CDH13: variants seen among roughly 807,000 people sequenced by gnomAD.
CDH13 encodes the protein cadherin-13.
In CDH13, 24 loss-of-function variants were observed where a neutral mutation model predicts 63.8. The observed-to-expected ratio is 0.38, with a 90% CI of 0.27 to 0.53. The LOEUF (loss-of-function observed/expected upper bound fraction) is 0.53. CDH13 is among the 20% of genes least tolerant of loss of function. The pLI, the probability that CDH13 is intolerant of heterozygous loss-of-function variation, is 0.85. For missense variants in CDH13, 1,049 were observed against 903.1 expected (o/e 1.16, Z -2.07); for synonymous variants, 503 against 355.3 (o/e 1.42, Z -4.67).
At chr16:82,744,070 A>C (rs578181874) in intron 1 of CDH13, among the ~76,000 whole-genome samples, 4 of 152,200 alleles carry the variant, frequency 2.6e-5, no homozygotes, top group Non-Finnish European at 5.9e-5. Context: ...GGAGAGATTA[A>C]AGAAATCTTC....
chr16:83,200,614 A>G (rs2151765209), intron 4 of CDH13, among the ~76,000 whole-genome samples: 1 of 152,266 alleles, frequency 6.6e-6, no homozygotes, highest in East Asian at 1.9e-4. Flanking sequence ...GGTATTGGGC[A>G]ATTGTGTTTA....
At chr16:82,966,382 C>T (rs771695444) in intron 2 of CDH13, among the ~76,000 whole-genome samples, 36 of 152,118 alleles carry the variant, frequency 2.4e-4, no homozygotes, top group Admixed American at 9.2e-4. Flanking sequence ...TTCCTGACCT[C>T]GTGATCCGCC....
chr16:82,951,006 T>C (rs770905886), intron 2 of CDH13, among the ~76,000 whole-genome samples: 15 of 152,196 alleles, frequency 9.9e-5, no homozygotes, highest in Non-Finnish European at 1.6e-4. Context: ...ACCATATTTC[T>C]GTGTCCTGAA....
At chr16:83,630,792 T>A (rs946958741) in intron 8 of CDH13, among the ~76,000 whole-genome samples, 4 of 152,202 alleles carry the variant, frequency 2.6e-5, no homozygotes, top group African/African-American at 9.7e-5. Flanking sequence ...CCACAAGGAA[T>A]TTCCTTGCAG....
chr16:83,750,126 T>A (rs1020682751), intron 11 of CDH13, among the ~76,000 whole-genome samples: 5 of 151,950 alleles, frequency 3.3e-5, no homozygotes, highest in Non-Finnish European at 7.4e-5. Context: ...TGAAACCCCA[T>A]CTCTACTAAA....
chr16:83,248,345 A>G (rs1425808886), intron 5 of CDH13, among the ~76,000 whole-genome samples: 5 of 152,174 alleles, frequency 3.3e-5, no homozygotes, highest in Non-Finnish European at 7.3e-5. Flanking sequence ...GAGCGGGTCT[A>G]TCTGTTGTTG....
chr16:82,667,493 G>A (rs536676480), intron 1 of CDH13, among the ~76,000 whole-genome samples: 5 of 152,270 alleles, frequency 3.3e-5, no homozygotes, highest in East Asian at 3.9e-4. Flanking sequence ...CTCAAGGGGC[G>A]TTCCTTTCCT....
At chr16:82,920,529 C>T (rs528090232) in intron 2 of CDH13, among the ~76,000 whole-genome samples, 2 of 152,276 alleles carry the variant, frequency 1.3e-5, no homozygotes, top group Admixed American at 6.5e-5. Flanking sequence ...ATGGAGTCAC[C>T]CCATCTGTAA....
At chr16:83,505,482 T>G (rs2074374603) in intron 7 of CDH13, among the ~76,000 whole-genome samples, 2 of 150,592 alleles carry the variant, frequency 1.3e-5, no homozygotes, top group Non-Finnish European at 3.0e-5. Flanking sequence ...TAGTAAACTC[T>G]GCCAAAGGAG....
intron 2 of CDH13, among the ~76,000 whole-genome samples, chr16:82,881,212 G>T (rs533808281): frequency 4.3e-4 from 66 of 152,228 alleles, no homozygotes; most frequent in African/African-American, 1.4e-3. Flanking sequence ...GCTTCCGTTC[G>T]TGTCTCTGGG....
intron 1 of CDH13, among the ~76,000 whole-genome samples, chr16:82,767,413 T>A (rs1299333112): frequency 6.6e-6 from 1 of 152,260 alleles, no homozygotes; most frequent in Admixed American, 6.5e-5. Flanking sequence ...CTCTTTTATG[T>A]AAGGCTTCCT....
intron 2 of CDH13, among the ~76,000 whole-genome samples, chr16:82,867,569 G>A (rs1009446446): frequency 1.3e-5 from 2 of 152,142 alleles, no homozygotes; most frequent in South Asian, 2.1e-4. Flanking sequence ...ACCTTGGTTA[G>A]CAGCCAGGTC....
chr16:82,771,754 G>A (rs2035275874), intron 1 of CDH13, among the ~76,000 whole-genome samples: 1 of 152,230 alleles, frequency 6.6e-6, no homozygotes, highest in Admixed American at 6.5e-5. Context: ...AGGTTGCTAG[G>A]AAAAACGTAT....
At chr16:82,634,066 G>C (rs8047711) in intron 1 of CDH13, among the ~76,000 whole-genome samples, 1 of 152,208 alleles carries the variant, frequency 6.6e-6, no homozygotes. Context: ...AGCATCACCC[G>C]ATCTGCTGCA....
At chr16:82,759,297 T>C (rs1405772054) in intron 1 of CDH13, among the ~76,000 whole-genome samples, 5 of 152,294 alleles carry the variant, frequency 3.3e-5, no homozygotes, top group South Asian at 2.1e-4. Context: ...TTCCCAAATA[T>C]ATTCTCTGCT....
At chr16:82,814,014 T>C (rs1305880072) in intron 1 of CDH13, among the ~76,000 whole-genome samples, 3 of 152,144 alleles carry the variant, frequency 2.0e-5, no homozygotes, top group Admixed American at 1.3e-4. Context: ...CCGGCTGCTG[T>C]GCTTGGCTGT....
At chr16:83,429,577 C>A (rs1401591384) in intron 6 of CDH13, among the ~76,000 whole-genome samples, 12 of 151,730 alleles carry the variant, frequency 7.9e-5, no homozygotes, top group African/African-American at 2.9e-4. Flanking sequence ...GAAAATGAAG[C>A]TTGAGAAAAA....
intron 1 of CDH13, chr16:82,719,381 A>G (rs1020462602): frequency 6.6e-6 from 3 of 455,862 alleles, no homozygotes; most frequent in African/African-American, 6.0e-5. Flanking sequence ...CCTGTGTGCA[A>G]GTCCCAGTTC....
intron 2 of CDH13, among the ~76,000 whole-genome samples, chr16:82,865,633 C>T (rs1409936604): frequency 6.6e-6 from 1 of 152,168 alleles, no homozygotes; most frequent in Non-Finnish European, 1.5e-5. Flanking sequence ...TTTTTTCCTC[C>T]TAGGCCTCAG....
Sources: allele counts gnomAD v4.1 joint callset (sites outside exome capture counted in the v4.1 genomes callset), GRCh38; gene constraint gnomAD v4.1.1; transcripts MANE v1.5; gene names NCBI Gene and HGNC (gene_info 2026-07-23, HGNC 2026-07-21).